The following CACNA2D2 variants were observed in gnomAD, a reference collection of about 807,000 sequenced individuals.
CACNA2D2 encodes the protein calcium voltage-gated channel auxiliary subunit alpha2delta 2.
Under a neutral mutation model 166.4 loss-of-function variants are expected in CACNA2D2, and 48 were observed. The ratio of observed to expected loss-of-function variants is 0.29; its 90% confidence interval spans 0.23 to 0.37. The LOEUF is 0.37. Among genes scored for constraint, CACNA2D2 ranks in the 10% least tolerant of loss-of-function variants. The pLI is 1.00. For synonymous variants in CACNA2D2, 561 were observed against 573.7 expected (o/e 0.98, Z 0.32); for missense variants, 1,122 against 1,433.0 (o/e 0.78, Z 3.50).
Position 50,375,968 on chromosome 3 carries a change from C to T in CACNA2D2, c.1768G>A (p.Glu590Lys), listed in dbSNP as rs1410939928. ...LDAELEDENK[E>K]EIRRSMIDGN... is the part of the protein sequence containing the mutation. ...TGTTCTCCTCCTCTCCTTACCTCTT[C>T]CTTGTTCTCATCCTCTAGCTCCGCA... The change falls in exon 19 of 38, where the codon GAA (glutamate) becomes AAA (lysine). Residue 590 changes from glutamate (E) to lysine (K), a missense_variant. Transcript: ENST00000424201. The surrounding 1 kb of genome is among the most constrained non-coding windows in gnomAD (Gnocchi z 4.0). The T allele has an allele frequency of 1.2e-6, 2 of 1,613,220 alleles. No homozygotes were observed. Among genetic ancestry groups the T allele is most frequent in the Non-Finnish European group, 1.7e-6 (2 of 1,179,990 alleles).
intron 3 of CACNA2D2, among the ~76,000 whole-genome samples, chr3:50,433,959 G>A (rs1323180778): frequency 3.9e-5 from 6 of 152,140 alleles, no homozygotes; most frequent in African/African-American, 1.2e-4. Context: ...TCACTATCCT[G>A]GCCAGGTGCC....
intron 1 of CACNA2D2, among the ~76,000 whole-genome samples, chr3:50,484,520 T>C (rs147676638): frequency 5.3e-5 from 8 of 152,286 alleles, no homozygotes; most frequent in Middle Eastern, 3.4e-3. Context: ...CTATAGTCCC[T>C]GCACAGGCTT....
chr3:50,380,894 C>G lies in CACNA2D2; in HGVS notation c.785-89G>C. ...GCAGAGGCGACTGGGCTGCCACAGA[C>G]TACAGAGAAGCCACCCCGCCCCATG... On this transcript the variant is annotated intron_variant, in intron 7 of 37. Transcript: ENST00000424201. The surrounding 1 kb of genome is among the most constrained non-coding windows in gnomAD (Gnocchi z 4.9). 6.4e-7 allele frequency: 1 copy of G among 1,553,952 alleles called. No homozygotes were observed. The highest frequency in any genetic ancestry group is 1.2e-5 in the South Asian group (1 of 82,688).
chr3:50,492,813 T>C (rs1439646326), intron 1 of CACNA2D2, among the ~76,000 whole-genome samples: 1 of 151,622 alleles, frequency 6.6e-6, no homozygotes, highest in African/African-American at 2.4e-5. Flanking sequence ...CTGAAGGTCC[T>C]GTGGCTAGGG....
In CACNA2D2 at chr3:50,379,641, G is replaced by A. The variant is rs1349139030; in HGVS notation, c.994-51C>T. ...GGCCTCAGGCTGGCCGGGGTAGGCAGCTATTGCATGGGGCTGGTGATGGTC... is the reference window on the plus strand; with the variant it reads ...GGCCTCAGGCTGGCCGGGGTAGGCAACTATTGCATGGGGCTGGTGATGGTC... On this transcript the variant is annotated intron_variant, in intron 10 of 37. Transcript: ENST00000424201. The surrounding 1 kb of genome is among the most constrained non-coding windows in gnomAD (Gnocchi z 6.5). The A allele has an allele frequency of 6.2e-7, 1 of 1,612,240 alleles. No individual in the cohort carries two copies. The highest frequency in any genetic ancestry group is 2.2e-5 in the East Asian group (1 of 44,858).
At chr3:50,486,506 A>T (rs928165944) in intron 1 of CACNA2D2, among the ~76,000 whole-genome samples, 2 of 152,104 alleles carry the variant, frequency 1.3e-5, no homozygotes, top group African/African-American at 4.8e-5. Flanking sequence ...GACCCCCTCA[A>T]GGTCCCCCTC....
At chr3:50,464,333 G>T (rs1346877107) in intron 2 of CACNA2D2, among the ~76,000 whole-genome samples, 2 of 152,242 alleles carry the variant, frequency 1.3e-5, no homozygotes, top group Non-Finnish European at 2.9e-5. Flanking sequence ...ATCTAAGGCT[G>T]TGAGTTGAGT....
intron 3 of CACNA2D2, among the ~76,000 whole-genome samples, chr3:50,414,746 G>A (rs1331225603): frequency 1.3e-5 from 2 of 152,204 alleles, no homozygotes; most frequent in African/African-American, 4.8e-5. Context: ...TCAGAAGAGC[G>A]AGCTCCTATG....
chr3:50,405,365 G>C, intron 3 of CACNA2D2, among the ~76,000 whole-genome samples: 1 of 140,558 alleles, frequency 7.1e-6, no homozygotes, highest in South Asian at 2.4e-4. Flanking sequence ...GCCGTGGTGG[G>C]GAGGGGGGTG....
At chr3:50,426,229 C>T (rs572383469) in intron 3 of CACNA2D2, among the ~76,000 whole-genome samples, 10 of 152,218 alleles carry the variant, frequency 6.6e-5, no homozygotes, top group Admixed American at 3.3e-4. Flanking sequence ...ATCTGTAAAA[C>T]GGGCATTCTG....
chr3:50,384,715 T>G (rs1705505710), intron 5 of CACNA2D2, among the ~76,000 whole-genome samples: 1 of 152,338 alleles, frequency 6.6e-6, no homozygotes, highest in South Asian at 2.1e-4. Flanking sequence ...TACAAGGATG[T>G]GCTTGTGCAA....
intron 3 of CACNA2D2, among the ~76,000 whole-genome samples, chr3:50,419,471 G>A (rs1275488831): frequency 6.6e-6 from 1 of 152,166 alleles, no homozygotes; most frequent in Admixed American, 6.5e-5. Context: ...CCCCGTTGGT[G>A]ACCTTGAGGC....
Position 50,363,436 on chromosome 3 carries a change from A to C in CACNA2D2, c.*1230T>G. On this transcript the variant is annotated 3_prime_UTR_variant, in exon 38 of 38. Transcript: ENST00000424201. ...CCTTTGGGGGAAATGACCAGAATGA[A>C]TGGTGTGAAGAGCTGTGCCCAGTCC... 1.8e-5 allele frequency: 7 copies of C among 387,604 alleles called. No individual in the cohort carries two copies. The highest frequency in any genetic ancestry group is 4.5e-5 in the Admixed American group (1 of 22,046). The allele number at this position is 387,604 out of a possible 1,614,324, so 24.0% of individuals were successfully genotyped here.
intron 3 of CACNA2D2, among the ~76,000 whole-genome samples, chr3:50,401,706 A>G (rs1706461773): frequency 6.6e-6 from 1 of 151,976 alleles, no homozygotes; most frequent in South Asian, 2.1e-4. Context: ...TTTTATTTTT[A>G]TTTTCAGTTT....
intron 3 of CACNA2D2, among the ~76,000 whole-genome samples, chr3:50,428,879 G>A (rs1707926692): frequency 1.3e-5 from 2 of 152,244 alleles, no homozygotes; most frequent in Non-Finnish European, 2.9e-5. Flanking sequence ...GTAGCACAGA[G>A]GAGGGCAGTG....
chr3:50,417,649 C>T (rs1012723172), intron 3 of CACNA2D2, among the ~76,000 whole-genome samples: 1 of 152,218 alleles, frequency 6.6e-6, no homozygotes, highest in Non-Finnish European at 1.5e-5. Context: ...CCTCCTCCTC[C>T]TCCTCACTGT....
chr3:50,479,209 T>A (rs986756438), intron 1 of CACNA2D2, among the ~76,000 whole-genome samples: 1 of 152,070 alleles, frequency 6.6e-6, no homozygotes, highest in South Asian at 2.1e-4. Context: ...GTCTCCTTAC[T>A]CCCACCCTGA....
At chr3:50,483,310 T>G (rs1300542855) in intron 1 of CACNA2D2, among the ~76,000 whole-genome samples, 1 of 152,124 alleles carries the variant, frequency 6.6e-6, no homozygotes, top group Non-Finnish European at 1.5e-5. Flanking sequence ...ACAGGGACCT[T>G]GGAGACCCTG....
chr3:50,400,661 G>A (rs745647683), intron 3 of CACNA2D2, among the ~76,000 whole-genome samples: 4 of 152,210 alleles, frequency 2.6e-5, no homozygotes, highest in Non-Finnish European at 5.9e-5. Context: ...ATGGAGACAC[G>A]CCAGTGGCTG....
Sources: gnomAD v4.1 joint callset for allele counts (sites outside exome capture counted in the v4.1 genomes callset) on GRCh38, gnomAD v4.1.1 for gene constraint, Gnocchi (gnomAD v3.1) non-coding constraint, MANE v1.5 for transcripts, NCBI Gene and HGNC (gene_info 2026-07-23, HGNC 2026-07-21) for gene names.